ABCA1: variants seen among roughly 807,000 people sequenced by gnomAD.
ABCA1 encodes ATP binding cassette subfamily A member 1.
ABCA1 carries 133 observed loss-of-function variants against 262.5 expected under a neutral mutation model. That is an observed-to-expected ratio of 0.51 (90% CI 0.44 to 0.59). The LOEUF (loss-of-function observed/expected upper bound fraction) is 0.59. ABCA1 is among the 20% of genes least tolerant of loss of function. The pLI is 0.00. For synonymous variants in ABCA1, 1,022 were observed against 1,043.5 expected (o/e 0.98, Z 0.40); for missense variants, 2,452 against 2,777.5 (o/e 0.88, Z 2.63).
intron 5 of ABCA1, among the ~76,000 whole-genome samples, chr9:104,880,946 C>T (rs767014075): frequency 1.3e-5 from 2 of 152,026 alleles, no homozygotes; most frequent in Non-Finnish European, 2.9e-5. Context: ...GTTAGGAGAT[C>T]GAGACCATCC....
chr9:104,806,460 T>C, intron 30 of ABCA1, 30 bp from the exon 31 acceptor site: 1 of 1,612,520 alleles, frequency 6.2e-7, no homozygotes. Flanking sequence ...AGAGTAGGAT[T>C]ACCAGAGATG....
intron 30 of ABCA1, among the ~76,000 whole-genome samples, chr9:104,808,441 C>T (rs1337880406): frequency 5.9e-5 from 9 of 152,190 alleles, no homozygotes; most frequent in Admixed American, 5.2e-4. Context: ...ATCAAAGGCA[C>T]CATGAAATCC....
intron 6 of ABCA1, 145 bp from the exon 7 acceptor site, chr9:104,858,843 A>G: frequency 1.3e-6 from 1 of 794,528 alleles, no homozygotes. Flanking sequence ...CCAATGCATC[A>G]GGTCTCTTTA....
rs763669622 is a variant in ABCA1 at position 104,832,651 on chromosome 9, T to C, written c.1432A>G (p.Asn478Asp). The change falls in exon 12 of 50, where the codon AAT becomes GAT. Residue 478 changes from asparagine to aspartate, a missense_variant. Around this residue, in one of 4 missense-constraint regions of ABCA1, gnomAD observed 1,032 missense variants for 1,089.7 expected, o/e 0.95. Coordinates refer to ENST00000374736, the MANE Select transcript of ABCA1 (RefSeq NM_005502.4). ...AKHPEDVQSS[N>D]GSVYTWREAF... is the part of the protein sequence containing the mutation. ...TCTCTCCAGGTGTACACAGAACCAT[T>C]ACTGGACTGGACATCCTCTGGGTGC... 6.2e-7 allele frequency: 1 copy of C among 1,614,198 alleles called. No homozygotes were observed. Among genetic ancestry groups the C allele is most frequent in the South Asian group, 1.1e-5 (1 of 91,082 alleles).
rs368706272 is a variant in ABCA1 at position 104,903,712 on chromosome 9, C to G, written c.-33G>C. 1.9e-6 allele frequency: 3 copies of G among 1,561,702 alleles called. No individual in the cohort carries two copies. The highest frequency in any genetic ancestry group is 2.7e-5 in the African/African-American group (2 of 73,830). ...CAGCCAGCACCCCCAGCGTGTGGCT[C>G]GGGAGCCCTGGAAGGCAGCGGCCAG... On this transcript the variant is annotated 5_prime_UTR_variant, in exon 2 of 50. Transcript: ENST00000374736.
chr9:104,896,711 C>CTTTTTTTTTTTTT lies in ABCA1; in HGVS notation c.66+6890_66+6902dup, dbSNP rs56710442. The stretch of plus-strand genomic sequence containing the variant: ...AACTCCAAAATTGCTCCCTACACAT[C>CTTTTTTTTTTTTT]TTTTTTTTTTTTTTTTTTTTTTTTT... On this transcript the variant is annotated intron_variant, in intron 2 of 49. Coordinates refer to ENST00000374736, the MANE Select transcript of ABCA1 (RefSeq NM_005502.4). Among the ~76,000 whole-genome samples, 9 of 37,010 alleles carry CTTTTTTTTTTTTT rather than the reference C, an allele frequency of 2.4e-4. 1 individual carries two copies. Among genetic ancestry groups the CTTTTTTTTTTTTT allele is most frequent in the African/African-American group, 8.5e-4 (8 of 9,462 alleles). The allele number at this position is 37,010 out of a possible 152,430, so 24.3% of individuals were successfully genotyped here.
chr9:104,823,322 G>GCACA (rs143024075), intron 18 of ABCA1, among the ~76,000 whole-genome samples: 71 of 151,576 alleles, frequency 4.7e-4, no homozygotes, highest in Non-Finnish European at 8.4e-4. Flanking sequence ...AACTAAATAC[G>GCACA]CACACACACA....
chr9:104,813,702 C>T (rs1299685922), intron 27 of ABCA1, among the ~76,000 whole-genome samples: 2 of 152,222 alleles, frequency 1.3e-5, no homozygotes, highest in Admixed American at 6.5e-5. Context: ...CATGAGCCAC[C>T]ATGCCCAGCC....
At chr9:104,850,144 C>T (rs1035332789) in intron 7 of ABCA1, among the ~76,000 whole-genome samples, 8 of 120,482 alleles carry the variant, frequency 6.6e-5, no homozygotes, top group South Asian at 2.6e-4. Flanking sequence ...TGTTTGAAGA[C>T]GGAGTCTCAC....
intron 47 of ABCA1, 21 bp from the exon 48 acceptor site, chr9:104,786,411 G>T: frequency 6.2e-7 from 1 of 1,600,178 alleles, no homozygotes; most frequent in Non-Finnish European, 8.6e-7. Flanking sequence ...ACAGAAAGAG[G>T]TTTTAGTTTT....
chr9:104,912,591 A>G (rs1431107031), intron 1 of ABCA1, among the ~76,000 whole-genome samples: 3 of 152,134 alleles, frequency 2.0e-5, no homozygotes, highest in African/African-American at 7.2e-5. Flanking sequence ...CTGTACCCCA[A>G]GTCCTTGTTT....
chr9:104,867,600 T>C (rs1837213044), intron 5 of ABCA1, among the ~76,000 whole-genome samples: 1 of 152,336 alleles, frequency 6.6e-6, no homozygotes, highest in South Asian at 2.1e-4. Context: ...TAAGACAGAA[T>C]TATTGAGTTC....
intron 9 of ABCA1, among the ~76,000 whole-genome samples, chr9:104,838,096 C>T (rs981496695): frequency 7.9e-5 from 12 of 152,210 alleles, no homozygotes; most frequent in Admixed American, 2.0e-4. Context: ...GAGGCCAAGG[C>T]GGGCGAACCA....
At chr9:104,913,223 T>C (rs144887728) in intron 1 of ABCA1, among the ~76,000 whole-genome samples, 59 of 152,304 alleles carry the variant, frequency 3.9e-4, no homozygotes, top group African/African-American at 1.4e-3. Context: ...TATTCTACCA[T>C]GCAGAAAACT....
Position 104,809,487 on chromosome 9 carries a change from C to A in ABCA1, c.4253G>T (p.Cys1418Phe). The change falls in exon 30 of 50, where the codon TGT (cysteine) becomes TTT (phenylalanine). Residue 1418 changes from cysteine to phenylalanine, a missense_variant. By Grantham distance (205) the Cys-to-Phe change is radical. Transcript: ENST00000374736. The stretch of plus-strand genomic sequence containing the variant: ...TCACGGGATTGGGTTTCCTTCCATA[C>A]AGCGGGTCCCGAAGCCAGGGTCTTT... ...LTKDPGFGTR[C>F]MEGNPIPDTP... 1 of 1,614,196 alleles carries A rather than the reference C, an allele frequency of 6.2e-7. No homozygotes were observed. Among genetic ancestry groups the A allele is most frequent in the Non-Finnish European group, 8.5e-7 (1 of 1,180,032 alleles).
rs997486638 is a variant in ABCA1, at chr9:104,897,192, T to C, written c.66+6422A>G. On this transcript the variant is annotated intron_variant, in intron 2 of 49. Transcript: ENST00000374736. ...CCAATGAGACCTGGGAAAACTAAAGTGAAATCTTAAGGATCACATCAGAAA... is the reference window on the plus strand; with the variant it reads ...CCAATGAGACCTGGGAAAACTAAAGCGAAATCTTAAGGATCACATCAGAAA... Among the ~76,000 whole-genome samples, 4 of 152,256 alleles carry C rather than the reference T, an allele frequency of 2.6e-5. No homozygotes were observed. The East Asian group carries it at 7.7e-4, about 29-fold the overall frequency.
chr9:104,863,265 G>A (rs1836794946), intron 5 of ABCA1, among the ~76,000 whole-genome samples: 1 of 152,186 alleles, frequency 6.6e-6, no homozygotes, highest in South Asian at 2.1e-4. Flanking sequence ...CTCCGAAACA[G>A]TATAGTTTTC....
intron 6 of ABCA1, among the ~76,000 whole-genome samples, chr9:104,861,080 G>A (rs1271051804): frequency 6.6e-6 from 1 of 152,058 alleles, no homozygotes; most frequent in Non-Finnish European, 1.5e-5. Flanking sequence ...TCCCACCTGA[G>A]CTTTGTGACA....
intron 36 of ABCA1, among the ~76,000 whole-genome samples, chr9:104,799,126 C>CA (rs1320256511): frequency 6.6e-6 from 1 of 152,136 alleles, no homozygotes; most frequent in Non-Finnish European, 1.5e-5. Context: ...AAGCCCATTA[C>CA]ATGGGGTCTT....
Sources: gnomAD v4.1 joint callset for allele counts (sites outside exome capture counted in the v4.1 genomes callset) on GRCh38, gnomAD v4.1.1 for gene constraint, gnomAD v4.1.1 regional missense constraint, MANE v1.5 for transcripts, NCBI Gene and HGNC (gene_info 2026-07-23, HGNC 2026-07-21) for gene names.